The following OXR1 variants were observed in gnomAD, a reference collection of about 807,000 sequenced individuals.
OXR1 encodes the protein oxidation resistance 1, also known as oxidation resistance protein 1.
In OXR1, 41 loss-of-function variants were observed where a neutral mutation model predicts 104.6. The ratio of observed to expected loss-of-function variants is 0.39; its 90% CI spans 0.31 to 0.51. The LOEUF is 0.51. Among genes scored for constraint, OXR1 ranks in the 20% least tolerant of loss-of-function variants. The probability of loss-of-function intolerance (pLI) is 0.77; values close to 1 mark genes in which losing one functional copy is unlikely to be tolerated. For missense variants in OXR1, 955 were observed against 1,031.9 expected (o/e 0.93, Z 1.02); for synonymous variants, 348 against 348.4 (o/e 1.00, Z 0.01).
At chr8:106,375,031 A>G (rs1418793523) in intron 2 of OXR1, among the ~76,000 whole-genome samples, 2 of 152,246 alleles carry the variant, frequency 1.3e-5, no homozygotes, top group African/African-American at 2.4e-5. Context: ...TTTCATGACT[A>G]TGACAAAATA....
At position 106,409,460 on chromosome 8, in the gene OXR1, G is replaced by A. The variant is rs531823616; in HGVS notation, c.23+49824G>A. Among the ~76,000 whole-genome samples the A allele has an allele frequency of 4.6e-5, 7 of 152,200 alleles. No homozygotes were observed. In the South Asian group the frequency reaches 6.2e-4, roughly 14 times the overall value. ...AAAGAAGCAAACAAAAAACAGGAAG[G>A]GAGGAGGGATTTAACAAAAGGGATT... On this transcript the variant is annotated intron_variant, in intron 2 of 16. Transcript: ENST00000517566.
chr8:106,687,326 A>C (rs1828832527), intron 6 of OXR1, among the ~76,000 whole-genome samples: 1 of 151,508 alleles, frequency 6.6e-6, no homozygotes, highest in African/African-American at 2.4e-5. Context: ...TCTCCCCCTT[A>C]CCTCTTTAGG....
rs1817237914 is a variant in OXR1, at chr8:106,383,305, T to A, written c.23+23669T>A. Among the ~76,000 whole-genome samples the A allele has an allele frequency of 2.6e-5, 4 of 152,178 alleles. No homozygotes were observed. In the South Asian group the frequency reaches 6.2e-4, roughly 24 times the overall value. On this transcript the variant is annotated intron_variant, in intron 2 of 16. Transcript: ENST00000517566. ...TTCCATGAGTTTCACATAGTTAACA[T>A]CATTGGTTTCTGGATATCTAATTCA... is the stretch of plus-strand genomic sequence containing the variant.
intron 15 of OXR1, among the ~76,000 whole-genome samples, chr8:106,742,940 T>C (rs1277474825): frequency 6.6e-6 from 1 of 152,096 alleles, no homozygotes; most frequent in Non-Finnish European, 1.5e-5. Flanking sequence ...AAGCAAAAAT[T>C]GGCAAATGGG....
At chr8:106,603,112 A>T (rs1360795533) in intron 3 of OXR1, among the ~76,000 whole-genome samples, 1 of 152,226 alleles carries the variant, frequency 6.6e-6, no homozygotes, top group Non-Finnish European at 1.5e-5. Flanking sequence ...GTATATCTTG[A>T]AGGTATGCTT....
At chr8:106,343,414 G>A (rs1193639237) in intron 1 of OXR1, among the ~76,000 whole-genome samples, 1 of 152,186 alleles carries the variant, frequency 6.6e-6, no homozygotes, top group Non-Finnish European at 1.5e-5. Context: ...GATGTCAACG[G>A]GAATTTGTTT....
chr8:106,586,605 T>C (rs1818650442), intron 3 of OXR1, among the ~76,000 whole-genome samples: 1 of 152,156 alleles, frequency 6.6e-6, no homozygotes. Flanking sequence ...ACATGGGTGA[T>C]AGCAAAAACC....
intron 2 of OXR1, among the ~76,000 whole-genome samples, chr8:106,444,959 A>G (rs1208083270): frequency 6.6e-6 from 1 of 152,186 alleles, no homozygotes; most frequent in Non-Finnish European, 1.5e-5. Flanking sequence ...CACAGTATTT[A>G]AGAACAAATA....
intron 2 of OXR1, among the ~76,000 whole-genome samples, chr8:106,389,156 T>C (rs1817499874): frequency 6.6e-6 from 1 of 152,210 alleles, no homozygotes; most frequent in Non-Finnish European, 1.5e-5. Context: ...AATAATTAAT[T>C]TTTGTAATGA....
chr8:106,332,547 G>C (rs1378662152), intron 1 of OXR1, among the ~76,000 whole-genome samples: 2 of 152,106 alleles, frequency 1.3e-5, no homozygotes, highest in African/African-American at 4.8e-5. Flanking sequence ...CCTACCATGT[G>C]TGTCTGAGAG....
chr8:106,402,634 T>C (rs916351338), intron 2 of OXR1, among the ~76,000 whole-genome samples: 2 of 152,166 alleles, frequency 1.3e-5, no homozygotes, highest in Non-Finnish European at 2.9e-5. Context: ...GTGTCCAGTA[T>C]TTCTCCAAAG....
intron 2 of OXR1, among the ~76,000 whole-genome samples, chr8:106,507,687 T>C (rs1044050261): frequency 3.9e-5 from 6 of 152,302 alleles, no homozygotes; most frequent in African/African-American, 1.4e-4. Flanking sequence ...GTGAAGTGTT[T>C]GCGCTGGGTG....
At chr8:106,494,561 A>G (rs1364565290) in intron 2 of OXR1, among the ~76,000 whole-genome samples, 1 of 152,188 alleles carries the variant, frequency 6.6e-6, no homozygotes, top group Non-Finnish European at 1.5e-5. Context: ...ACCTGCATCT[A>G]CAGTATGTAG....
intron 2 of OXR1, among the ~76,000 whole-genome samples, chr8:106,415,251 C>A (rs762328130): frequency 6.6e-6 from 1 of 152,028 alleles, no homozygotes; most frequent in African/African-American, 2.4e-5. Context: ...TTCTGCAGGC[C>A]TAAAATCTAT....
intron 1 of OXR1, among the ~76,000 whole-genome samples, chr8:106,359,170 T>A (rs1318716807): frequency 6.6e-6 from 1 of 151,936 alleles, no homozygotes; most frequent in Admixed American, 6.6e-5. Context: ...ATTTGGAGAG[T>A]ATAACCATAT....
chr8:106,298,241 AG>A (rs1025284915), intron 1 of OXR1, among the ~76,000 whole-genome samples: 20 of 152,316 alleles, frequency 1.3e-4, no homozygotes, highest in Admixed American at 1.1e-3. Context: ...AAAGAAAAAG[AG>A]GTTTAATGGA....
At position 106,305,752 on chromosome 8, in the gene OXR1, C is replaced by G. The variant is rs534211421; in HGVS notation, c.-139+35385C>G. On this transcript the variant is annotated intron_variant, in intron 1 of 16. Transcript: ENST00000517566. ...CTAGCAGTGTTCTGTATCTAAGATT[C>G]AATTTCTGTTTTATGTATCTGCTTC... Among the ~76,000 whole-genome samples the G allele has an allele frequency of 3.6e-4, 55 of 152,140 alleles. No homozygotes were observed. In the South Asian group the frequency reaches 0.011, roughly 29 times the overall value.
At position 106,694,393 on chromosome 8, in the gene OXR1, TTATATATTTATA is replaced by T. The variant is rs1213734676; in HGVS notation, c.675+1539_675+1550del. ...TTTATTTATCTGTTTTTGCCATACATTATATATTTATATATATATTTATATATATATTTAATA... is the reference window on the plus strand; with the variant it reads ...TTTATTTATCTGTTTTTGCCATACATTATATATTTATATATATATTTAATA... On this transcript the variant is annotated intron_variant, in intron 7 of 16. Coordinates refer to ENST00000517566, the MANE Select transcript of OXR1 (RefSeq NM_001198533.2). Among the ~76,000 whole-genome samples, 124 of 141,850 alleles carry T rather than the reference TTATATATTTATA, an allele frequency of 8.7e-4. 1 individual carries two copies. Among genetic ancestry groups the T allele is most frequent in the African/African-American group, 2.8e-3 (108 of 38,810 alleles). 93.1% of individuals were successfully genotyped at this position (141,850 alleles called of 152,430 possible).
chr8:106,679,860 C>T (rs1040650853), intron 4 of OXR1, among the ~76,000 whole-genome samples: 1 of 151,532 alleles, frequency 6.6e-6, no homozygotes, highest in Non-Finnish European at 1.5e-5. Context: ...AGTGAGAAAT[C>T]AGCTTTGGTA....
Sources: gnomAD v4.1 joint callset for allele counts (sites outside exome capture counted in the v4.1 genomes callset) on GRCh38, gnomAD v4.1.1 for gene constraint, MANE v1.5 for transcripts, NCBI Gene and HGNC (gene_info 2026-07-23, HGNC 2026-07-21) for gene names.